Variants in CCDC63 observed in about 807,000 individuals in gnomAD.
The protein encoded by CCDC63 is coiled-coil domain-containing protein 63.
Under a neutral mutation model 63.6 loss-of-function variants are expected in CCDC63, and 54 were observed. The ratio of observed to expected loss-of-function variants is 0.85; its 90% CI spans 0.68 to 1.07. The LOEUF is 1.07. CCDC63 is among the 50% of genes least tolerant of loss of function. CCDC63 has a pLI of 0.00. For missense variants in CCDC63, 637 were observed against 689.6 expected (o/e 0.92, Z 0.86); for synonymous variants, 253 against 266.1 (o/e 0.95, Z 0.48).
At chr12:110,862,400 C>T (rs1003717170) in intron 4 of CCDC63, among the ~76,000 whole-genome samples, 1 of 152,202 alleles carries the variant, frequency 6.6e-6, no homozygotes, top group Non-Finnish European at 1.5e-5. Flanking sequence ...TGGCCTTCCT[C>T]GCAAAATAGT....
chr12:110,845,740 T>C (rs1399107563), upstream of CCDC63: 3 of 151,008 alleles, frequency 2.0e-5, no homozygotes, highest in Admixed American at 6.6e-5. Flanking sequence ...ATTATCTTTC[T>C]GAAACCAAAA....
chr12:110,881,380 C>A, intron 7 of CCDC63, 84 bp downstream of exon 7: 2 of 1,353,752 alleles, frequency 1.5e-6, no homozygotes, highest in Non-Finnish European at 2.0e-6. Context: ...AGTGAAGGTG[C>A]CCAAGTCTCC....
intron 4 of CCDC63, among the ~76,000 whole-genome samples, chr12:110,867,614 C>A (rs1289611543): frequency 7.4e-6 from 1 of 135,862 alleles, no homozygotes; most frequent in Non-Finnish European, 1.6e-5. Flanking sequence ...GGCGGCTGGC[C>A]GGGCAGAGGG....
intron 4 of CCDC63, among the ~76,000 whole-genome samples, chr12:110,870,901 T>G (rs1165927238): frequency 2.0e-5 from 3 of 152,162 alleles, no homozygotes; most frequent in African/African-American, 7.2e-5. Context: ...TTGTCTACAT[T>G]CCCTGCTTCC....
chr12:110,874,157 A>G (rs1352235715), intron 5 of CCDC63, among the ~76,000 whole-genome samples, 196 bp downstream of exon 5: 1 of 151,498 alleles, frequency 6.6e-6, no homozygotes, highest in African/African-American at 2.4e-5. Flanking sequence ...TATCCCCTCA[A>G]ACCCTTACCC....
chr12:110,898,264 A>G (rs1246339756), intron 9 of CCDC63, among the ~76,000 whole-genome samples: 1 of 151,814 alleles, frequency 6.6e-6, no homozygotes, highest in Non-Finnish European at 1.5e-5. Context: ...CCTGGAGCCT[A>G]GGTGACAGAG....
At chr12:110,863,653 G>T (rs1593650017) in intron 4 of CCDC63, among the ~76,000 whole-genome samples, 1 of 151,276 alleles carries the variant, frequency 6.6e-6, no homozygotes, top group African/African-American at 2.4e-5. Flanking sequence ...CAGTTCTCCT[G>T]CCTCAGCCTC....
Position 110,853,522 on chromosome 12 carries a change from G to GAA in CCDC63, c.129_130dup (p.Ser44LysfsTer24). The GAA allele has an allele frequency of 3.7e-6, 6 of 1,614,240 alleles. No individual in the cohort carries two copies. The highest frequency in any genetic ancestry group is 5.1e-6 in the Non-Finnish European group (6 of 1,180,054). On this transcript the variant is annotated frameshift_variant, in exon 3 of 12. Coordinates refer to ENST00000308208, the MANE Select transcript of CCDC63 (RefSeq NM_152591.3). LOFTEE classifies it high-confidence loss of function. ...AAGGCAGCAGTTCAGGAAGATGGTG[G>GAA]AAAGCCGGAAGTCTTTTAAGTTCCG...
Position 110,907,251 on chromosome 12 carries a change from TG to T in CCDC63, c.1547-78del. 1 of 1,447,880 alleles carries T rather than the reference TG, an allele frequency of 6.9e-7. No homozygotes were observed. The highest frequency in any genetic ancestry group is 9.4e-7 in the Non-Finnish European group (1 of 1,059,770). The allele number at this position is 1,447,880 out of a possible 1,614,324, so 89.7% of individuals were successfully genotyped here. Reference sequence around the variant, plus strand: ...TTCCATGCTCCACTCCCCAGTGCTATGGAGGGACGCCAAACCAGGCTTAGCC... The same window carrying T: ...TTCCATGCTCCACTCCCCAGTGCTATGAGGGACGCCAAACCAGGCTTAGCC... On this transcript the variant is annotated intron_variant, in intron 11 of 11. Transcript: ENST00000308208. The surrounding 1 kb of genome is among the most constrained non-coding windows in gnomAD (Gnocchi z 4.4).
At chr12:110,848,670 G>A (rs895364284) in intron 1 of CCDC63, among the ~76,000 whole-genome samples, 5 of 152,182 alleles carry the variant, frequency 3.3e-5, no homozygotes, top group Admixed American at 1.3e-4. Flanking sequence ...CATGAGCTAG[G>A]CACTATGCTA....
At chr12:110,882,224 C>G (rs1234073048) in intron 7 of CCDC63, among the ~76,000 whole-genome samples, 1 of 152,126 alleles carries the variant, frequency 6.6e-6, no homozygotes, top group Non-Finnish European at 1.5e-5. Context: ...CAAGAGTTAT[C>G]TACTAGGCTG....
rs533892928 is a variant in CCDC63 at position 110,848,541 on chromosome 12, T to C, written c.-97+1436T>C. Among the ~76,000 whole-genome samples the C allele has an allele frequency of 2.6e-5, 4 of 151,824 alleles. No individual in the cohort carries two copies. The South Asian group carries it at 8.3e-4, about 32-fold the overall frequency. ...TATGGATCAGCAAAAAGGCAGGAGG[T>C]GATGGAGCTTTTGGTTCCTGGAGAA... On this transcript the variant is annotated intron_variant, in intron 1 of 11. Coordinates refer to ENST00000308208, the MANE Select transcript of CCDC63 (RefSeq NM_152591.3).
intron 4 of CCDC63, among the ~76,000 whole-genome samples, chr12:110,867,855 C>T (rs1242146634): frequency 1.4e-4 from 21 of 151,184 alleles, no homozygotes; most frequent in East Asian, 4.0e-4. Context: ...ACCTCCCGGA[C>T]GGGGTGGCTG....
chr12:110,873,829 C>G lies in CCDC63; in HGVS notation c.370-13C>G. ...TAACACAGCTGGAATTTCTCTCTCT[C>G]TCTCTTTTTCAGATTCTTCAGATGG... On this transcript the variant is annotated splice_polypyrimidine_tract_variant and intron_variant, in intron 4 of 11. Coordinates refer to ENST00000308208, the MANE Select transcript of CCDC63 (RefSeq NM_152591.3). The G allele has an allele frequency of 6.2e-7, 1 of 1,611,896 alleles. No homozygotes were observed. The highest frequency in any genetic ancestry group is 8.5e-7 in the Non-Finnish European group (1 of 1,179,482).
At chr12:110,880,728 AGTGATGGGGTGGTGATGGTGATGGTG>A (rs1566129372) in intron 6 of CCDC63, among the ~76,000 whole-genome samples, 6 of 268 alleles carry the variant, frequency 0.022, no homozygotes, top group East Asian at 0.056. Flanking sequence ...TGATGGTTAT[AGTGATGGGGTGGTGATGGTGATGGTG>A]GTGATGATAG....
intron 10 of CCDC63, among the ~76,000 whole-genome samples, chr12:110,901,649 T>G (rs1426755185): frequency 6.6e-6 from 1 of 152,178 alleles, no homozygotes; most frequent in South Asian, 2.1e-4. Context: ...GTTCATTGTT[T>G]TTCATCCTGC....
intron 7 of CCDC63, 107 bp downstream of exon 7, chr12:110,881,403 A>G: frequency 8.8e-7 from 1 of 1,140,848 alleles, no homozygotes; most frequent in South Asian, 1.5e-5. Context: ...GTGGTTGTCA[A>G]ATTTAGCAAA....
rs2136762941 is a variant in CCDC63, at chr12:110,907,444, G to T, written c.1660G>T (p.Asp554Tyr). 6.2e-7 allele frequency: 1 copy of T among 1,614,156 alleles called. No homozygotes were observed. The highest frequency in any genetic ancestry group is 1.1e-5 in the South Asian group (1 of 91,046). ...AGACAGCCTGCCTGAGAAGGTGGAT[G>T]ACTTCAGATCCAGGAAGAAAGTAAC... ...RGDSLPEKVD[D>Y]FRSRKKVTM Residue 554 changes from aspartate (D) to tyrosine (Y), a missense_variant, in exon 12 of 12, where the codon GAC becomes TAC. Transcript: ENST00000308208. This position sits in a 1 kb window ranked among gnomAD's most constrained non-coding sequence, Gnocchi z 4.4.
intron 10 of CCDC63, among the ~76,000 whole-genome samples, chr12:110,900,517 A>T (rs61940345): frequency 0.067 from 10,161 of 152,174 alleles, 814 homozygotes; most frequent in African/African-American, 0.19. Context: ...AAGCTCAGAG[A>T]GGACAGGGAG....
Sources: gnomAD v4.1 joint callset for allele counts (sites outside exome capture counted in the v4.1 genomes callset) on GRCh38, gnomAD v4.1.1 for gene constraint, Gnocchi (gnomAD v3.1) non-coding constraint, MANE v1.5 for transcripts, NCBI Gene and HGNC (gene_info 2026-07-23, HGNC 2026-07-21) for gene names.